The following ANKDD1A variants were observed in gnomAD, a reference collection of about 807,000 sequenced individuals.
The protein encoded by ANKDD1A is ankyrin repeat and death domain containing 1A, also known as ankyrin repeat and death domain-containing protein 1A.
Under a neutral mutation model 63.5 loss-of-function variants are expected in ANKDD1A, and 59 were observed. The ratio of observed to expected loss-of-function variants is 0.93; its 90% CI spans 0.75 to 1.15. ANKDD1A has a LOEUF of 1.15. Among genes scored for constraint, ANKDD1A ranks in the 50% most tolerant of loss-of-function variants. The pLI, the probability that ANKDD1A is intolerant of heterozygous loss-of-function variation, is 0.00. For missense variants in ANKDD1A, 632 were observed against 656.4 expected, an observed-to-expected ratio of 0.96 and a Z score of 0.41; for synonymous variants, 266 against 263.9, an observed-to-expected ratio of 1.01 and a Z score of -0.08.
chr15:64,951,292 T>TCTC lies in ANKDD1A; in HGVS notation c.1483+1322_1483+1323insCCT, dbSNP rs2085267982. 338 of 822,058 alleles carry TCTC rather than the reference T, an allele frequency of 4.1e-4. 3 individuals are homozygous for TCTC. In the African/African-American group the frequency reaches 0.014, roughly 34 times the overall value. The allele number at this position is 822,058 out of a possible 1,614,324, so 50.9% of individuals were successfully genotyped here. A position where few individuals can be genotyped will look rare whatever the true frequency, so the allele number is the denominator to read the frequency against. On this transcript the variant is annotated intron_variant, in intron 14 of 14. Coordinates refer to ENST00000319580, the MANE Select transcript of ANKDD1A (RefSeq NM_182703.6). ...TTATTTCTTCTTCTTTTTCTTTTCT[T>TCTC]CTTCTTCTTCTTCTCTTCTTCTTCT... is the stretch of plus-strand genomic sequence containing the variant.
rs200653288 is a variant in ANKDD1A, at chr15:64,954,898, TTCTTC to T, written c.1484-2200_1484-2196del. On this transcript the variant is annotated intron_variant, in intron 14 of 14. Transcript: ENST00000319580. ...TCTTCCTTCTCCTCCTCCTTCTTCCTTCTTCTCTTGTCTCTTCTCTCTCCTTCTTC... is the reference window on the plus strand; with the variant it reads ...TCTTCCTTCTCCTCCTCCTTCTTCCTTCTTGTCTCTTCTCTCTCCTTCTTC... Among the ~76,000 whole-genome samples, 937 of 142,910 alleles carry T rather than the reference TTCTTC, an allele frequency of 6.6e-3. 3 individuals carry two copies. The highest frequency in any genetic ancestry group is 0.01 in the Middle Eastern group (3 of 290). 93.8% of individuals were successfully genotyped at this position (142,910 alleles called of 152,430 possible).
At chr15:64,930,592 G>A (rs2085081870) in intron 6 of ANKDD1A, among the ~76,000 whole-genome samples, 2 of 152,236 alleles carry the variant, frequency 1.3e-5, no homozygotes, top group Non-Finnish European at 1.5e-5. Flanking sequence ...AGATGGGCAC[G>A]TGGAAAGTAG....
At position 64,957,146 on chromosome 15, in the gene ANKDD1A, C is replaced by G; in HGVS notation, c.1527C>G (p.Ala509=). Reference sequence around the variant, plus strand: ...GATCTCAGCTCACGGCAACCTCCGCCTCCCGGGTTCAAATGATTCTTGTGC... The same window carrying G: ...GATCTCAGCTCACGGCAACCTCCGCGTCCCGGGTTCAAATGATTCTTGTGC... The part of the protein sequence containing the change: ...MARSQLTATS[A]SRVQMILVPQ... Residue 509 remains alanine (A), a synonymous_variant, in exon 15 of 15, where the codon GCC becomes GCG. Coordinates refer to ENST00000319580, the MANE Select transcript of ANKDD1A (RefSeq NM_182703.6). The G allele has an allele frequency of 2.3e-6, 1 of 437,062 alleles. No individual in the cohort carries two copies. The highest frequency in any genetic ancestry group is 1.6e-5 in the South Asian group (1 of 62,526). The allele number at this position is 437,062 out of a possible 1,614,324, so 27.1% of individuals were successfully genotyped here.
At chr15:64,953,984 C>CT (rs2085368937) in intron 14 of ANKDD1A, among the ~76,000 whole-genome samples, 2 of 119,200 alleles carry the variant, frequency 1.7e-5, no homozygotes, top group African/African-American at 6.3e-5. Flanking sequence ...CTTCCTCTAT[C>CT]TTCTTCCTTT....
intron 14 of ANKDD1A, among the ~76,000 whole-genome samples, chr15:64,953,020 CT>C: frequency 8.2e-6 from 1 of 121,478 alleles, no homozygotes; most frequent in East Asian, 2.6e-4. Flanking sequence ...TCTCCTTGTT[CT>C]TCTCCTCCTT....
intron 13 of ANKDD1A, 139 bp from the exon 14 acceptor site, chr15:64,949,702 G>A (rs1241182105): frequency 1.5e-6 from 2 of 1,293,578 alleles, no homozygotes; most frequent in Non-Finnish European, 1.0e-6. Flanking sequence ...GGAGCATGGA[G>A]AAGGGCCTTG....
chr15:64,953,373 C>T (rs1328029451), intron 14 of ANKDD1A, among the ~76,000 whole-genome samples: 1 of 101,816 alleles, frequency 9.8e-6, no homozygotes, highest in African/African-American at 3.5e-5. Flanking sequence ...TCTTCTCCTT[C>T]TTTTCCTTTC....
Position 64,935,592 on chromosome 15 carries a change from A to G in ANKDD1A, c.867+1358A>G, listed in dbSNP as rs11854743. Among the ~76,000 whole-genome samples, 1,351 of 151,632 alleles carry G rather than the reference A, an allele frequency of 8.9e-3. 23 individuals are homozygous for G. Among genetic ancestry groups the G allele is most frequent in the African/African-American group, 0.031 (1,278 of 41,364 alleles). On this transcript the variant is annotated intron_variant, in intron 9 of 14. Coordinates refer to ENST00000319580, the MANE Select transcript of ANKDD1A (RefSeq NM_182703.6). ...CAGGAGGCTGAGGCAGGAGAATGGC[A>G]TGAACCCGGGAGGCAGAGCTTGCAG...
intron 14 of ANKDD1A, among the ~76,000 whole-genome samples, chr15:64,952,328 CT>C (rs1193148506): frequency 1.4e-3 from 40 of 29,294 alleles, no homozygotes; most frequent in East Asian, 3.3e-3. Flanking sequence ...TTTCTTCCTT[CT>C]TCCTTCTCCT....
At chr15:64,945,873 C>T (rs1233872766) in intron 12 of ANKDD1A, among the ~76,000 whole-genome samples, 1 of 151,458 alleles carries the variant, frequency 6.6e-6, no homozygotes, top group Non-Finnish European at 1.5e-5. Context: ...ACCTTGTGAT[C>T]TGCCCACCTC....
At chr15:64,944,781 G>A in intron 12 of ANKDD1A, 34 bp downstream of exon 12, 1 of 1,604,458 alleles carries the variant, frequency 6.2e-7, no homozygotes, top group African/African-American at 1.3e-5. Flanking sequence ...TTTCCTCATT[G>A]GAAAGGGAGT....
intron 9 of ANKDD1A, among the ~76,000 whole-genome samples, chr15:64,942,114 G>A (rs2085188819): frequency 6.6e-6 from 1 of 152,160 alleles, no homozygotes; most frequent in African/African-American, 2.4e-5. Flanking sequence ...TAAATGAGAT[G>A]TCAGAGAATC....
chr15:64,956,390 A>C (rs569684249), intron 14 of ANKDD1A, among the ~76,000 whole-genome samples: 1 of 152,240 alleles, frequency 6.6e-6, no homozygotes, highest in Non-Finnish European at 1.5e-5. Flanking sequence ...TCTACTAAAA[A>C]TACAAAAAAT....
chr15:64,943,159 A>T lies in ANKDD1A; in HGVS notation c.967-325A>T, dbSNP rs980779475. 1.1e-4 allele frequency: 33 copies of T among 294,538 alleles called. 1 individual carries two copies. In the Admixed American group the frequency reaches 1.3e-3, roughly 12 times the overall value. 18.2% of individuals were successfully genotyped at this position (294,538 alleles called of 1,614,324 possible). A position where few individuals can be genotyped will look rare whatever the true frequency, so the allele number is the denominator to read the frequency against. ...CTGCAGTATTATTTATCAGTCTTCA[A>T]TTTGAAAATGGCCTAAATATTTAAT... On this transcript the variant is annotated intron_variant, in intron 10 of 14. Transcript: ENST00000319580.
At chr15:64,927,790 T>G (rs2085058512) in intron 6 of ANKDD1A, among the ~76,000 whole-genome samples, 1 of 151,978 alleles carries the variant, frequency 6.6e-6, no homozygotes. Context: ...GTATTTTTAG[T>G]AGAGATGGGG....
Position 64,953,292 on chromosome 15 carries a change from TTTC to T in ANKDD1A, c.1483+3329_1483+3331del, listed in dbSNP as rs1226850056. Among the ~76,000 whole-genome samples, 469 of 147,770 alleles carry T rather than the reference TTTC, an allele frequency of 3.2e-3. 1 individual carries two copies. Among genetic ancestry groups the T allele is most frequent in the African/African-American group, 0.011 (412 of 38,328 alleles). On this transcript the variant is annotated intron_variant, in intron 14 of 14. Coordinates refer to ENST00000319580, the MANE Select transcript of ANKDD1A (RefSeq NM_182703.6). ...CTTCCTCTTCTTTCCTTCTTCCTTCTTTCTTCTTCTTTTACTTTTTTCTTTCTT... is the reference window on the plus strand; with the variant it reads ...CTTCCTCTTCTTTCCTTCTTCCTTCTTTCTTCTTTTACTTTTTTCTTTCTT...
chr15:64,947,346 C>T, intron 12 of ANKDD1A, 58 bp from the exon 13 acceptor site: 2 of 1,564,632 alleles, frequency 1.3e-6, no homozygotes, highest in East Asian at 2.3e-5. Flanking sequence ...CGGCTCGGCA[C>T]TGCCCCTGTC....
intron 6 of ANKDD1A, 118 bp downstream of exon 6, chr15:64,927,117 C>A: frequency 9.9e-7 from 1 of 1,012,140 alleles, no homozygotes; most frequent in East Asian, 2.6e-5. Context: ...GCCCGTGTGG[C>A]CCAAAGATGA....
chr15:64,939,138 A>G (rs907270987), intron 9 of ANKDD1A, among the ~76,000 whole-genome samples: 4 of 151,832 alleles, frequency 2.6e-5, no homozygotes, highest in African/African-American at 9.7e-5. Flanking sequence ...AATATATTCT[A>G]AAATAAAAGT....
Sources: allele counts gnomAD v4.1 joint callset (sites outside exome capture counted in the v4.1 genomes callset), GRCh38; gene constraint gnomAD v4.1.1; transcripts MANE v1.5; gene names NCBI Gene and HGNC (gene_info 2026-07-23, HGNC 2026-07-21).